The following SPOCK1 variants were observed in gnomAD, a reference collection of about 807,000 sequenced individuals.
SPOCK1 encodes the protein testican-1.
A neutral mutation model predicts 55.3 loss-of-function variants in SPOCK1; 23 were observed. The ratio of observed to expected loss-of-function variants is 0.42; its 90% CI spans 0.30 to 0.59. The LOEUF is 0.59. SPOCK1 is among the 20% of genes least tolerant of loss of function. The pLI is 0.22. For missense variants in SPOCK1, 499 were observed against 552.5 expected, an observed-to-expected ratio of 0.90 and a Z score of 0.97; for synonymous variants, 226 against 221.0, an observed-to-expected ratio of 1.02 and a Z score of -0.20.
At chr5:137,143,516 G>T (rs1183526234) in intron 3 of SPOCK1, among the ~76,000 whole-genome samples, 2 of 152,034 alleles carry the variant, frequency 1.3e-5, no homozygotes, top group African/African-American at 2.4e-5. Context: ...TGCTAACCTT[G>T]CTATACCTCA....
chr5:137,342,696 C>G (rs1261340848), intron 2 of SPOCK1, among the ~76,000 whole-genome samples: 2 of 152,190 alleles, frequency 1.3e-5, no homozygotes, highest in East Asian at 3.9e-4. Flanking sequence ...AAGAGAAGAG[C>G]AGGCTGAAAT....
At chr5:137,295,241 C>T (rs897132346) in intron 2 of SPOCK1, among the ~76,000 whole-genome samples, 8 of 152,224 alleles carry the variant, frequency 5.3e-5, no homozygotes, top group African/African-American at 7.2e-5. Context: ...CAACATTCTA[C>T]AATAAACTAT....
At chr5:137,274,065 T>A (rs1757017972) in intron 2 of SPOCK1, among the ~76,000 whole-genome samples, 2 of 152,142 alleles carry the variant, frequency 1.3e-5, no homozygotes, top group African/African-American at 2.4e-5. Context: ...CTTGTTCTTT[T>A]CCCAAGGGAA....
At chr5:137,433,534 G>T (rs540672200) in intron 2 of SPOCK1, among the ~76,000 whole-genome samples, 1 of 152,268 alleles carries the variant, frequency 6.6e-6, no homozygotes, top group East Asian at 1.9e-4. Context: ...CTCAGGAGAG[G>T]CAGGCCCCAT....
At chr5:137,018,167 T>C (rs528307145) in intron 6 of SPOCK1, among the ~76,000 whole-genome samples, 1 of 152,296 alleles carries the variant, frequency 6.6e-6, no homozygotes, top group South Asian at 2.1e-4. Flanking sequence ...TAACATCTTA[T>C]AATGCACAGA....
intron 5 of SPOCK1, among the ~76,000 whole-genome samples, chr5:137,078,972 C>G (rs1752826349): frequency 6.6e-6 from 1 of 152,208 alleles, no homozygotes; most frequent in Non-Finnish European, 1.5e-5. Context: ...TCTCTCCACT[C>G]ACATCTCTTA....
chr5:137,111,711 C>A (rs1753477833), intron 5 of SPOCK1, among the ~76,000 whole-genome samples: 1 of 152,166 alleles, frequency 6.6e-6, no homozygotes, highest in African/African-American at 2.4e-5. Flanking sequence ...CCCTGCCTCC[C>A]TGCCTGTAAA....
rs142585235 is a variant in SPOCK1 at position 136,992,157 on chromosome 5, C to A, written c.706+327G>T. On this transcript the variant is annotated intron_variant, in intron 7 of 10. Transcript: ENST00000394945. ...ACATGAAAAGATAGTCACATTTCTA[C>A]ATGGTAAAAGATCATAAAACAGTCT... 2.5e-3 allele frequency among the ~76,000 whole-genome samples: 386 copies of A among 152,262 alleles called. 2 individuals are homozygous for A. Among genetic ancestry groups the A allele is most frequent in the African/African-American group, 8.9e-3 (369 of 41,546 alleles).
At chr5:137,359,682 C>T (rs1251719422) in intron 2 of SPOCK1, among the ~76,000 whole-genome samples, 1 of 152,218 alleles carries the variant, frequency 6.6e-6, no homozygotes, top group African/African-American at 2.4e-5. Flanking sequence ...TAAAGCACTG[C>T]AGTCCATACT....
intron 2 of SPOCK1, among the ~76,000 whole-genome samples, chr5:137,455,878 TA>T (rs893993450): frequency 1.3e-5 from 2 of 150,752 alleles, no homozygotes; most frequent in East Asian, 2.0e-4. Flanking sequence ...AAAGTAGAAA[TA>T]AAAAAAAATT....
chr5:137,428,068 C>T (rs185106432), intron 2 of SPOCK1, among the ~76,000 whole-genome samples: 13 of 152,196 alleles, frequency 8.5e-5, no homozygotes, highest in African/African-American at 3.1e-4. Flanking sequence ...CATTTCTGTC[C>T]ACTTCAGGAC....
chr5:137,486,133 C>A (rs1031208797), intron 2 of SPOCK1, among the ~76,000 whole-genome samples: 7 of 152,200 alleles, frequency 4.6e-5, no homozygotes, highest in Non-Finnish European at 8.8e-5. Context: ...CATTTATGCA[C>A]ACACAAGTTC....
chr5:137,103,480 G>A (rs1365581813), intron 5 of SPOCK1, among the ~76,000 whole-genome samples: 2 of 152,134 alleles, frequency 1.3e-5, no homozygotes, highest in East Asian at 1.9e-4. Context: ...CCTACTGGCT[G>A]GATGTAGCAG....
chr5:137,301,382 C>G lies in SPOCK1; in HGVS notation c.187-34327G>C, dbSNP rs1178862352. 6.6e-5 allele frequency among the ~76,000 whole-genome samples: 10 copies of G among 152,284 alleles called. No homozygotes were observed. The East Asian group carries it at 1.7e-3, about 26-fold the overall frequency. On this transcript the variant is annotated intron_variant, in intron 2 of 10. Coordinates refer to ENST00000394945, the MANE Select transcript of SPOCK1 (RefSeq NM_004598.4). ...AATAATATTTGTGAAACTGGGGAAG[C>G]CACAGGGAAACTATTTTTGGGCAGG...
chr5:137,383,408 A>G (rs999620530), intron 2 of SPOCK1, among the ~76,000 whole-genome samples: 8 of 152,164 alleles, frequency 5.3e-5, no homozygotes, highest in African/African-American at 1.7e-4. Context: ...CTAACTGGCT[A>G]GCTGAGTTTC....
chr5:137,031,723 CG>C (rs1430575771), intron 6 of SPOCK1, among the ~76,000 whole-genome samples: 1 of 152,078 alleles, frequency 6.6e-6, no homozygotes, highest in Non-Finnish European at 1.5e-5. Context: ...TGTTTTTTAA[CG>C]GTAGACACCA....
rs528076126 is a variant in SPOCK1, at chr5:137,024,319, G to GGGA, written c.590-31720_590-31719insTCC. On this transcript the variant is annotated intron_variant, in intron 6 of 10. Coordinates refer to ENST00000394945, the MANE Select transcript of SPOCK1 (RefSeq NM_004598.4). ...ACTAAATTGCACCAGTTTGAAGGGG[G>GGGA]GGGGGTAGTTACAACTGACTGCTCA... 1.2e-3 allele frequency among the ~76,000 whole-genome samples: 181 copies of GGGA among 148,274 alleles called. 7 individuals carry two copies. The highest frequency in any genetic ancestry group is 1.5e-3 in the Non-Finnish European group (99 of 67,286).
At chr5:137,183,171 C>T (rs1755002845) in intron 3 of SPOCK1, among the ~76,000 whole-genome samples, 1 of 152,176 alleles carries the variant, frequency 6.6e-6, no homozygotes, top group Admixed American at 6.5e-5. Context: ...GGTATACTCA[C>T]TATGTGGCAG....
intron 2 of SPOCK1, among the ~76,000 whole-genome samples, chr5:137,459,352 C>T (rs1398740257): frequency 6.6e-6 from 1 of 152,084 alleles, no homozygotes; most frequent in Non-Finnish European, 1.5e-5. Context: ...TAGGCAACTC[C>T]CAACTCCAAG....
Sources: allele counts gnomAD v4.1 joint callset (sites outside exome capture counted in the v4.1 genomes callset), GRCh38; gene constraint gnomAD v4.1.1; transcripts MANE v1.5; gene names NCBI Gene and HGNC (gene_info 2026-07-23, HGNC 2026-07-21).